LINGO2: variants seen among roughly 807,000 people sequenced by gnomAD.
LINGO2 encodes the protein leucine-rich repeat and immunoglobulin-like domain-containing nogo receptor-interacting protein 2.
LINGO2 carries 14 observed loss-of-function variants against 30.6 expected under a neutral mutation model. That is an observed-to-expected ratio of 0.46 (90% CI 0.30 to 0.72). LINGO2 has a LOEUF of 0.72. LINGO2 is among the 30% of genes least tolerant of loss of function. The pLI, the probability that LINGO2 is intolerant of heterozygous loss-of-function variation, is 0.07. For synonymous variants in LINGO2, 317 were observed against 288.5 expected (o/e 1.10, Z -1.00); for missense variants, 729 against 751.7 (o/e 0.97, Z 0.35).
At chr9:29,042,540 AT>A in the LINGO2 span, among the ~76,000 whole-genome samples, 1 of 151,850 alleles carries the variant, frequency 6.6e-6, no homozygotes, top group Non-Finnish European at 1.5e-5. Flanking sequence ...AAGAAACACA[AT>A]TTTTTTCATT....
chr9:28,312,602 T>C (rs1824673879), intron 3 of LINGO2, among the ~76,000 whole-genome samples: 1 of 152,150 alleles, frequency 6.6e-6, no homozygotes, highest in African/African-American at 2.4e-5. Context: ...ACTAGTAGTA[T>C]TTACAAAATC....
intron 3 of LINGO2, among the ~76,000 whole-genome samples, chr9:28,362,240 A>G (rs777597285): frequency 2.6e-5 from 4 of 151,748 alleles, no homozygotes; most frequent in Non-Finnish European, 4.4e-5. Flanking sequence ...GCGCATGCGC[A>G]TGTGTGTGCA....
chr9:28,081,732 C>T (rs1256740874), intron 4 of LINGO2, among the ~76,000 whole-genome samples: 2 of 152,076 alleles, frequency 1.3e-5, no homozygotes, highest in East Asian at 1.9e-4. Flanking sequence ...AAATGCAATC[C>T]CTATATTTTA....
the LINGO2 span, among the ~76,000 whole-genome samples, chr9:28,887,439 T>C: frequency 2.6e-5 from 4 of 152,000 alleles, no homozygotes; most frequent in Admixed American, 6.6e-5. Context: ...CCTGATGACA[T>C]GTTGCAGAAG....
chr9:28,584,277 A>G (rs971633893), intron 1 of LINGO2, among the ~76,000 whole-genome samples: 1 of 152,102 alleles, frequency 6.6e-6, no homozygotes, highest in Admixed American at 6.6e-5. Context: ...TACATTCAGT[A>G]TTGTTCAATT....
the LINGO2 span, among the ~76,000 whole-genome samples, chr9:29,060,637 C>T: frequency 6.6e-6 from 1 of 151,692 alleles, no homozygotes; most frequent in Non-Finnish European, 1.5e-5. Context: ...TAAAACCAAA[C>T]ATATCTGAAA....
chr9:28,149,251 A>T (rs1349807565), intron 4 of LINGO2: 3 of 748,722 alleles, frequency 4.0e-6, no homozygotes, highest in Non-Finnish European at 6.5e-6. Context: ...GCACTTTGGG[A>T]GGCCCAGGCG....
chr9:28,350,417 T>C (rs892323332), intron 3 of LINGO2, among the ~76,000 whole-genome samples: 4 of 148,990 alleles, frequency 2.7e-5, no homozygotes, highest in African/African-American at 9.9e-5. Context: ...CATTACATAA[T>C]GGTAAAGGGA....
At position 28,024,643 on chromosome 9, in the gene LINGO2, G is replaced by A. The variant is rs548237025; in HGVS notation, c.-86-12238C>T. On this transcript the variant is annotated intron_variant, in intron 4 of 5. Coordinates refer to ENST00000379992, the Ensembl canonical transcript of LINGO2. The stretch of plus-strand genomic sequence containing the variant: ...TCATGCCTCCAACTGCCTTATGCTT[G>A]CCTAGCTGCCTGGTTAGACAGCTTA... Among the ~76,000 whole-genome samples, 46 of 152,162 alleles carry A rather than the reference G, an allele frequency of 3.0e-4. No individual in the cohort carries two copies. In the South Asian group the frequency reaches 9.1e-3, roughly 30 times the overall value.
At chr9:29,100,714 G>T in the LINGO2 span, among the ~76,000 whole-genome samples, 1 of 152,174 alleles carries the variant, frequency 6.6e-6, no homozygotes, top group East Asian at 1.9e-4. Flanking sequence ...ATAACTGAAA[G>T]AGTATATTTT....
intron 2 of LINGO2, among the ~76,000 whole-genome samples, chr9:28,418,953 T>C (rs1433147374): frequency 6.6e-6 from 1 of 152,154 alleles, no homozygotes; most frequent in Non-Finnish European, 1.5e-5. Flanking sequence ...TACACATTTT[T>C]CCTCCTTTGA....
the LINGO2 span, among the ~76,000 whole-genome samples, chr9:29,039,754 A>C: frequency 2.0e-5 from 3 of 152,146 alleles, no homozygotes; most frequent in African/African-American, 7.2e-5. Flanking sequence ...CTGGCCAGCT[A>C]TGGGCTGGCT....
intron 4 of LINGO2, among the ~76,000 whole-genome samples, chr9:28,253,592 G>C (rs987823589): frequency 6.2e-4 from 95 of 152,190 alleles, no homozygotes; most frequent in African/African-American, 2.1e-3. Flanking sequence ...TTAAATGCAT[G>C]TTAAATGAAA....
intron 4 of LINGO2, among the ~76,000 whole-genome samples, chr9:28,041,522 A>G (rs1824195925): frequency 6.6e-6 from 1 of 152,176 alleles, no homozygotes. Flanking sequence ...CTTAGAGGAA[A>G]ATTGGCTGAC....
intron 4 of LINGO2, among the ~76,000 whole-genome samples, chr9:28,037,896 C>A (rs1002648350): frequency 1.3e-5 from 2 of 152,180 alleles, no homozygotes; most frequent in Admixed American, 6.5e-5. Flanking sequence ...TGAAGTAACT[C>A]ATATACAGTG....
the LINGO2 span, among the ~76,000 whole-genome samples, chr9:29,191,915 T>A: frequency 6.6e-6 from 1 of 152,090 alleles, no homozygotes; most frequent in Non-Finnish European, 1.5e-5. Flanking sequence ...TCAAGCTTTC[T>A]TAATATTGAG....
chr9:28,811,449 A>AG, the LINGO2 span, among the ~76,000 whole-genome samples: 1 of 152,156 alleles, frequency 6.6e-6, no homozygotes, highest in Non-Finnish European at 1.5e-5. Flanking sequence ...CTTGCTTAAA[A>AG]TTATCGAATA....
intron 1 of LINGO2, among the ~76,000 whole-genome samples, chr9:28,610,840 C>T (rs146207042): frequency 6.6e-6 from 1 of 152,288 alleles, no homozygotes; most frequent in Non-Finnish European, 1.5e-5. Flanking sequence ...TAATCACTTT[C>T]TCCACATCTT....
At chr9:28,832,976 T>G in the LINGO2 span, among the ~76,000 whole-genome samples, 1 of 13,916 alleles carries the variant, frequency 7.2e-5, no homozygotes, top group African/African-American at 8.2e-5. Flanking sequence ...CATTTTTTGA[T>G]GTAAAAAAAA....
Sources: gnomAD v4.1 joint callset for allele counts (sites outside exome capture counted in the v4.1 genomes callset) on GRCh38, gnomAD v4.1.1 for gene constraint, MANE v1.5 for transcripts, NCBI Gene and HGNC (gene_info 2026-07-23, HGNC 2026-07-21) for gene names.